The following KIAA0319 variants were observed in gnomAD, a reference collection of about 807,000 sequenced individuals.
KIAA0319 encodes the protein KIAA0319, also known as dyslexia-associated protein KIAA0319.
A neutral mutation model predicts 108.4 loss-of-function variants in KIAA0319; 83 were observed. The observed-to-expected ratio is 0.77, with a 90% CI of 0.64 to 0.92. KIAA0319 has a LOEUF of 0.92. Among genes scored for constraint, KIAA0319 ranks in the 40% least tolerant of loss-of-function variants. KIAA0319 has a pLI of 0.00. For synonymous variants in KIAA0319, 484 were observed against 510.4 expected (o/e 0.95, Z 0.70); for missense variants, 1,195 against 1,322.4 (o/e 0.90, Z 1.49).
At chr6:24,594,198 C>CAA (rs761107947) in intron 3 of KIAA0319, among the ~76,000 whole-genome samples, 22 of 54,408 alleles carry the variant, frequency 4.0e-4, no homozygotes, top group Non-Finnish European at 5.6e-4. Flanking sequence ...GACTCTGTCT[C>CAA]AAAAAAAAAA....
intron 1 of KIAA0319, among the ~76,000 whole-genome samples, chr6:24,626,096 GACC>G (rs756778298): frequency 3.3e-5 from 5 of 152,238 alleles, no homozygotes; most frequent in South Asian, 2.1e-4. Context: ...CAGACACAAG[GACC>G]ACATTTTGTA....
intron 10 of KIAA0319, among the ~76,000 whole-genome samples, chr6:24,574,640 T>G (rs1765206727): frequency 1.3e-5 from 2 of 152,182 alleles, no homozygotes; most frequent in African/African-American, 2.4e-5. Flanking sequence ...CTTATTACAA[T>G]TTATTTACTT....
At chr6:24,618,121 A>G (rs1019208174) in intron 1 of KIAA0319, among the ~76,000 whole-genome samples, 3 of 152,186 alleles carry the variant, frequency 2.0e-5, no homozygotes, top group Non-Finnish European at 4.4e-5. Flanking sequence ...ATTGGCAACC[A>G]TAGGTTTGCT....
chr6:24,610,582 C>A (rs1432006792), intron 1 of KIAA0319, among the ~76,000 whole-genome samples: 1 of 152,148 alleles, frequency 6.6e-6, no homozygotes, highest in Non-Finnish European at 1.5e-5. Flanking sequence ...TATGTATATA[C>A]TCAAGAGAAA....
intron 1 of KIAA0319, among the ~76,000 whole-genome samples, chr6:24,616,276 T>C (rs1353923594): frequency 6.6e-6 from 1 of 152,258 alleles, no homozygotes; most frequent in Non-Finnish European, 1.5e-5. Context: ...TATATTCAAA[T>C]ACCATACAAG....
At chr6:24,633,267 T>C (rs1229413351) in intron 1 of KIAA0319, among the ~76,000 whole-genome samples, 1 of 152,114 alleles carries the variant, frequency 6.6e-6, no homozygotes, top group Non-Finnish European at 1.5e-5. Flanking sequence ...GGAGATCCCA[T>C]TCCCAGGCAG....
At chr6:24,630,279 T>G (rs558828221) in intron 1 of KIAA0319, among the ~76,000 whole-genome samples, 1 of 151,738 alleles carries the variant, frequency 6.6e-6, no homozygotes, top group Non-Finnish European at 1.5e-5. Context: ...GAGGCTGAGG[T>G]GGGCAGATCA....
intron 3 of KIAA0319, among the ~76,000 whole-genome samples, chr6:24,589,898 T>TA (rs1228810698): frequency 1.3e-4 from 20 of 152,268 alleles, no homozygotes; most frequent in African/African-American, 4.6e-4. Flanking sequence ...TTAGCCAAGT[T>TA]AAAGTTCTTA....
At position 24,547,169 on chromosome 6, in the gene KIAA0319, C is replaced by T; in HGVS notation, c.3215G>A (p.Arg1072Lys). ...GASFSYCSKD[R>K] ...ACTTTACAATGAACTGCGCCATTAT[C>T]TGTCCTTTGAGCAATAACTGAAGGA... is the stretch of plus-strand genomic sequence containing the variant. The change falls in exon 21 of 21, where the codon AGA becomes AAA. Residue 1072 changes from arginine (R) to lysine (K), a missense_variant. Physicochemically the swap from Arg to Lys is conservative, Grantham distance 26. Transcript: ENST00000378214. 1 of 1,614,092 alleles carries T rather than the reference C, an allele frequency of 6.2e-7. No homozygotes were observed. The highest frequency in any genetic ancestry group is 8.5e-7 in the Non-Finnish European group (1 of 1,179,976).
At chr6:24,639,581 G>T (rs957881901) in intron 1 of KIAA0319, among the ~76,000 whole-genome samples, 2 of 152,190 alleles carry the variant, frequency 1.3e-5, no homozygotes, top group African/African-American at 4.8e-5. Flanking sequence ...TGGACGCGGT[G>T]GCTCACGCCT....
intron 14 of KIAA0319, among the ~76,000 whole-genome samples, chr6:24,566,245 T>C (rs1300726245): frequency 6.6e-6 from 1 of 152,130 alleles, no homozygotes; most frequent in Non-Finnish European, 1.5e-5. Flanking sequence ...TATAAGGAAG[T>C]AGTTAAGGTT....
chr6:24,602,046 C>T (rs116587672), intron 1 of KIAA0319, among the ~76,000 whole-genome samples: 2,184 of 148,580 alleles, frequency 0.015, 56 homozygotes, highest in African/African-American at 0.051. Context: ...GAGACAGAGT[C>T]TTGCACTGTC....
At chr6:24,581,698 C>T (rs1766565566) in intron 6 of KIAA0319, among the ~76,000 whole-genome samples, 1 of 152,180 alleles carries the variant, frequency 6.6e-6, no homozygotes. Context: ...CTCTGCAATG[C>T]TTGTGGGACA....
intron 11 of KIAA0319, among the ~76,000 whole-genome samples, chr6:24,570,658 T>G (rs807524): frequency 0.8 from 110,503 of 138,886 alleles, 43,636 homozygotes; most frequent in Non-Finnish European, 0.84. Context: ...GAAGAAGGGT[T>G]GGGGGAGGAA....
At chr6:24,623,527 A>C (rs1268269015) in intron 1 of KIAA0319, among the ~76,000 whole-genome samples, 1 of 152,174 alleles carries the variant, frequency 6.6e-6, no homozygotes, top group Non-Finnish European at 1.5e-5. Flanking sequence ...ATACCCTAAA[A>C]TCTTCCAAAG....
At chr6:24,620,455 C>T (rs570340011) in intron 1 of KIAA0319, among the ~76,000 whole-genome samples, 220 of 152,260 alleles carry the variant, frequency 1.4e-3, no homozygotes, top group African/African-American at 5.0e-3. Flanking sequence ...TATACACCAC[C>T]ACGTCCGGCT....
At chr6:24,596,649 A>G in intron 2 of KIAA0319, 31 bp from the exon 3 acceptor site, 1 of 1,560,526 alleles carries the variant, frequency 6.4e-7, no homozygotes, top group Non-Finnish European at 8.7e-7. Flanking sequence ...AATGAGGGAG[A>G]GAGGCATATC....
chr6:24,618,676 C>T (rs1026158997), intron 1 of KIAA0319, among the ~76,000 whole-genome samples: 2 of 150,614 alleles, frequency 1.3e-5, no homozygotes, highest in Non-Finnish European at 3.0e-5. Context: ...ACAGGCAACA[C>T]AAAGAAAAGC....
In KIAA0319 at chr6:24,599,288, G is replaced by T; in HGVS notation, c.55+1761C>A. On this transcript the variant is annotated intron_variant, in intron 2 of 20. Transcript: ENST00000378214. The surrounding 1 kb of genome is among the most constrained non-coding windows in gnomAD (Gnocchi z 4.1). ...AGATGGAGATCTCTGAGATGAATCA[G>T]AACATCAGCCGGCTCCAGACTGAGA... The T allele has an allele frequency of 2.0e-6, 1 of 489,798 alleles. No homozygotes were observed. The highest frequency in any genetic ancestry group is 3.8e-6 in the Non-Finnish European group (1 of 264,538). 30.3% of individuals were successfully genotyped at this position (489,798 alleles called of 1,614,324 possible). A position where few individuals can be genotyped will look rare whatever the true frequency, so the allele number is the denominator to read the frequency against.
Sources: allele counts gnomAD v4.1 joint callset (sites outside exome capture counted in the v4.1 genomes callset), GRCh38; gene constraint gnomAD v4.1.1; non-coding constraint Gnocchi (gnomAD v3.1); transcripts MANE v1.5; gene names NCBI Gene and HGNC (gene_info 2026-07-23, HGNC 2026-07-21).